DDAH1: variants seen among roughly 807,000 people sequenced by gnomAD.
DDAH1 encodes the protein N(G),N(G)-dimethylarginine dimethylaminohydrolase 1.
DDAH1 carries 19 observed loss-of-function variants against 28.8 expected under a neutral mutation model. The ratio of observed to expected loss-of-function variants is 0.66; its 90% CI spans 0.46 to 0.97. The LOEUF (loss-of-function observed/expected upper bound fraction) is 0.97, where lower values mean the gene tolerates loss of function less well. Ranked by LOEUF, DDAH1 falls within the 50% of genes least tolerant of loss-of-function variation. The pLI, the probability that DDAH1 is intolerant of heterozygous loss-of-function variation, is 0.00. For synonymous variants in DDAH1, 153 were observed against 154.4 expected, an observed-to-expected ratio of 0.99 and a Z score of 0.07; for missense variants, 326 against 375.9, an observed-to-expected ratio of 0.87 and a Z score of 1.10.
chr1:85,335,914 A>G (rs1648076961), intron 4 of DDAH1, among the ~76,000 whole-genome samples: 1 of 152,072 alleles, frequency 6.6e-6, no homozygotes, highest in Non-Finnish European at 1.5e-5. Context: ...GTGCACCAAG[A>G]TTGTATCACT....
chr1:85,555,155 A>C (rs1010364785), intron 1 of DDAH1, among the ~76,000 whole-genome samples: 2 of 152,268 alleles, frequency 1.3e-5, no homozygotes, highest in Non-Finnish European at 2.9e-5. Flanking sequence ...TGCCTTGCAC[A>C]CTGGAGTGGC....
intron 1 of DDAH1, among the ~76,000 whole-genome samples, chr1:85,553,510 G>A (rs1234453776): frequency 6.6e-6 from 1 of 152,312 alleles, no homozygotes; most frequent in East Asian, 1.9e-4. Context: ...CTATGAAGAT[G>A]AGGCCAGAAG....
chr1:85,396,472 C>G lies in DDAH1; in HGVS notation c.304-37625G>C, dbSNP rs560817804. ...CAGGAACTAATAGAATGGAAACTCA[C>G]TCATCGCAAAGAAGACACCAAGCCA... On this transcript the variant is annotated intron_variant, in intron 1 of 5. Transcript: ENST00000284031. Among the ~76,000 whole-genome samples, 7 of 152,198 alleles carry G rather than the reference C, an allele frequency of 4.6e-5. No homozygotes were observed. In the East Asian group the frequency reaches 1.4e-3, roughly 29 times the overall value.
intron 1 of DDAH1, among the ~76,000 whole-genome samples, chr1:85,450,871 G>C (rs1036068146): frequency 1.3e-5 from 2 of 152,206 alleles, no homozygotes; most frequent in Admixed American, 1.3e-4. Context: ...ACTAGTTCAA[G>C]ATCAGATGAT....
intron 1 of DDAH1, among the ~76,000 whole-genome samples, chr1:85,361,624 T>C (rs1400151830): frequency 6.6e-6 from 1 of 152,248 alleles, no homozygotes; most frequent in Non-Finnish European, 1.5e-5. Flanking sequence ...ACTCAAAAGA[T>C]TTACAAGACC....
chr1:85,451,430 C>T (rs1654666015), intron 1 of DDAH1, among the ~76,000 whole-genome samples: 1 of 152,130 alleles, frequency 6.6e-6, no homozygotes, highest in Non-Finnish European at 1.5e-5. Flanking sequence ...TGTATTATTG[C>T]ATTTATTCAC....
At chr1:85,386,035 G>T (rs964080328) in intron 1 of DDAH1, among the ~76,000 whole-genome samples, 2 of 152,102 alleles carry the variant, frequency 1.3e-5, no homozygotes, top group African/African-American at 2.4e-5. Flanking sequence ...CACCAAGCAT[G>T]AGGGATCTAC....
chr1:85,530,945 C>T (rs1295385239), intron 1 of DDAH1, among the ~76,000 whole-genome samples: 5 of 136,054 alleles, frequency 3.7e-5, no homozygotes, highest in Admixed American at 2.4e-4. Flanking sequence ...GAGCCGAGAT[C>T]GTGCCTTTGC....
In DDAH1 at chr1:85,464,108, CT is replaced by C. The variant is rs1323632565; in HGVS notation, c.303+634del. Among the ~76,000 whole-genome samples the C allele has an allele frequency of 6.6e-6, 1 of 152,224 alleles. No homozygotes were observed. On this transcript the variant is annotated intron_variant, in intron 1 of 5. Coordinates refer to ENST00000284031, the MANE Select transcript of DDAH1 (RefSeq NM_012137.4). This position sits in a 1 kb window ranked among gnomAD's most constrained non-coding sequence, Gnocchi z 4.4. ...ACACCCAACACCGCACAGAGTACAG[CT>C]TTTCAAACCTAGCCCATTCATGCAC... is the stretch of plus-strand genomic sequence containing the variant.
intron 4 of DDAH1, among the ~76,000 whole-genome samples, chr1:85,342,384 A>G (rs550941279): frequency 2.0e-4 from 28 of 140,742 alleles, no homozygotes; most frequent in African/African-American, 4.5e-4. Flanking sequence ...AGGTTTTTCT[A>G]TGAGTGTGTG....
rs540759571 is a variant in DDAH1, at chr1:85,547,859, G to A, written c.-123+30125C>T. Among the ~76,000 whole-genome samples, 4 of 152,288 alleles carry A rather than the reference G, an allele frequency of 2.6e-5. No individual in the cohort carries two copies. The South Asian group carries it at 6.2e-4, about 24-fold the overall frequency. ...CCAAGAGATCTATAAAAAATTAACT[G>A]CAAAGGAGTTTAAACACAGGAATAA... On this transcript the variant is annotated intron_variant, in intron 1 of 6. Transcript: ENST00000426972.
intron 1 of DDAH1, among the ~76,000 whole-genome samples, chr1:85,392,789 CTAAAAAAAAAAAAAAAA>C (rs1483482616): frequency 2.0e-5 from 1 of 49,124 alleles, no homozygotes; most frequent in Non-Finnish European, 3.4e-5. Flanking sequence ...AAGACTCTGT[CTAAAAAAAAAAAAAAAA>C]AAAAAAAAAA....
intron 5 of DDAH1, among the ~76,000 whole-genome samples, chr1:85,322,979 C>T (rs1429499904): frequency 1.3e-5 from 2 of 152,050 alleles, no homozygotes; most frequent in Non-Finnish European, 2.9e-5. Flanking sequence ...TTTTTAGCAA[C>T]CCTGATGTGC....
At chr1:85,325,361 GCGCGCGCACACACACA>G (rs1325948705) in intron 4 of DDAH1, among the ~76,000 whole-genome samples, 1 of 151,924 alleles carries the variant, frequency 6.6e-6, no homozygotes, top group Non-Finnish European at 1.5e-5. Flanking sequence ...GCGTGCGCGC[GCGCGCGCACACACACA>G]CGCTTTGCTC....
At chr1:85,366,656 G>A (rs1650091500) in intron 1 of DDAH1, among the ~76,000 whole-genome samples, 1 of 152,058 alleles carries the variant, frequency 6.6e-6, no homozygotes, top group African/African-American at 2.4e-5. Flanking sequence ...TTACTCATGA[G>A]TAAAGTATTC....
chr1:85,562,430 G>T (rs752539404), intron 1 of DDAH1, among the ~76,000 whole-genome samples: 1 of 152,172 alleles, frequency 6.6e-6, no homozygotes, highest in Admixed American at 6.5e-5. Flanking sequence ...GTTGAGTTGT[G>T]TCCCCCAAAA....
intron 1 of DDAH1, among the ~76,000 whole-genome samples, chr1:85,533,005 T>C (rs1314127391): frequency 6.6e-6 from 1 of 152,236 alleles, no homozygotes; most frequent in Non-Finnish European, 1.5e-5. Flanking sequence ...AACATGATTC[T>C]TGTTCTCATA....
chr1:85,327,928 G>C (rs930644701), intron 4 of DDAH1, among the ~76,000 whole-genome samples: 1 of 152,140 alleles, frequency 6.6e-6, no homozygotes, highest in African/African-American at 2.4e-5. Flanking sequence ...TGCACTAACT[G>C]GTTCATTTCT....
chr1:85,549,645 T>A (rs1658727520), intron 1 of DDAH1, among the ~76,000 whole-genome samples: 1 of 152,260 alleles, frequency 6.6e-6, no homozygotes, highest in Admixed American at 6.5e-5. Flanking sequence ...GCTTTGCATT[T>A]TTAAATTACA....
Sources: allele counts gnomAD v4.1 joint callset (sites outside exome capture counted in the v4.1 genomes callset), GRCh38; gene constraint gnomAD v4.1.1; non-coding constraint Gnocchi (gnomAD v3.1); transcripts MANE v1.5; gene names NCBI Gene and HGNC (gene_info 2026-07-23, HGNC 2026-07-21).